Variants in MSH3 observed in about 807,000 individuals in gnomAD.
The protein encoded by MSH3 is mutS homolog 3.
MSH3 carries 106 observed loss-of-function variants against 123.3 expected under a neutral mutation model. The observed-to-expected ratio is 0.86, with a 90% CI of 0.73 to 1.01. The LOEUF (loss-of-function observed/expected upper bound fraction) is 1.01, where lower values mean the gene tolerates loss of function less well. MSH3 is among the 50% of genes least tolerant of loss of function. The probability of loss-of-function intolerance (pLI) is 0.00; values close to 1 mark genes in which losing one functional copy is unlikely to be tolerated. For missense variants in MSH3, 1,459 were observed against 1,347.6 expected (o/e 1.08, Z -1.29); for synonymous variants, 515 against 481.4 (o/e 1.07, Z -0.91).
chr5:80,746,978 C>G (rs1743732849), intron 12 of MSH3, among the ~76,000 whole-genome samples: 1 of 152,134 alleles, frequency 6.6e-6, no homozygotes, highest in Non-Finnish European at 1.5e-5. Flanking sequence ...GATTTCTTTT[C>G]TTAGCCATAA....
intron 18 of MSH3, among the ~76,000 whole-genome samples, chr5:80,791,944 T>A (rs1360747376): frequency 1.3e-5 from 2 of 152,134 alleles, no homozygotes; most frequent in Admixed American, 1.3e-4. Context: ...AAGCTGTAGA[T>A]AAAACAGATA....
intron 21 of MSH3, among the ~76,000 whole-genome samples, chr5:80,861,569 T>C (rs984655604): frequency 6.6e-6 from 1 of 152,192 alleles, no homozygotes; most frequent in Non-Finnish European, 1.5e-5. Flanking sequence ...AATAGTTCTT[T>C]CTTTCTTCCC....
chr5:80,873,176 C>T lies in MSH3; in HGVS notation c.3191C>T (p.Ala1064Val), dbSNP rs1354644574. The stretch of plus-strand genomic sequence containing the variant: ...CTTTACCAAATAACTAGAGGAATTG[C>T]AGCAAGGAGTTATGGATTAAATGTG... ...TFLYQITRGIAARSYGLNVAK... is the reference protein window; with the variant it reads ...TFLYQITRGIVARSYGLNVAK... The change falls in exon 23 of 24, where the codon GCA (alanine) becomes GTA (valine). Residue 1064 changes from alanine to valine, a missense_variant. Transcript: ENST00000265081. 19 of 1,613,528 alleles carry T rather than the reference C, an allele frequency of 1.2e-5. No individual in the cohort carries two copies. The highest frequency in any genetic ancestry group is 1.7e-5 in the Admixed American group (1 of 59,996).
Position 80,664,313 on chromosome 5 carries a change from T to C in MSH3, c.359-830T>C, listed in dbSNP as rs532935605. Among the ~76,000 whole-genome samples, 3 of 152,312 alleles carry C rather than the reference T, an allele frequency of 2.0e-5. No individual in the cohort carries two copies. In the East Asian group the frequency reaches 5.8e-4, roughly 29 times the overall value. On this transcript the variant is annotated intron_variant, in intron 2 of 23. Coordinates refer to ENST00000265081, the MANE Select transcript of MSH3 (RefSeq NM_002439.5). ...GATGGTGTTTCTGAGTATGGTGATT[T>C]GGTTTTCTTGGTAAACCCCTGATGT...
intron 8 of MSH3, among the ~76,000 whole-genome samples, chr5:80,708,925 C>G (rs1750781784): frequency 6.6e-6 from 1 of 151,996 alleles, no homozygotes; most frequent in South Asian, 2.1e-4. Flanking sequence ...CAGGCGCCCA[C>G]TACCATGTCT....
In MSH3 at chr5:80,732,034, T is replaced by C. The variant is rs146426189; in HGVS notation, c.1568+3069T>C. Among the ~76,000 whole-genome samples, 48 of 152,290 alleles carry C rather than the reference T, an allele frequency of 3.2e-4. 1 individual carries two copies. In the East Asian group the frequency reaches 8.5e-3, roughly 27 times the overall value. On this transcript the variant is annotated intron_variant, in intron 10 of 23. Transcript: ENST00000265081. ...TAGAATTTTAGATAGTTTGAGAAAATATACCATTTCAGAAATTATTCTTAA... is the reference window on the plus strand; with the variant it reads ...TAGAATTTTAGATAGTTTGAGAAAACATACCATTTCAGAAATTATTCTTAA...
intron 10 of MSH3, among the ~76,000 whole-genome samples, chr5:80,736,170 G>A (rs1305376891): frequency 1.3e-5 from 2 of 152,118 alleles, no homozygotes; most frequent in African/African-American, 4.8e-5. Flanking sequence ...AGGTTGCAGT[G>A]AGCCGAGATC....
chr5:80,778,807 C>T lies in MSH3; in HGVS notation c.2406C>T (p.Asp802=), dbSNP rs2112007938. 1.2e-6 allele frequency: 2 copies of T among 1,600,206 alleles called. No homozygotes were observed. The highest frequency in any genetic ancestry group is 1.7e-6 in the Non-Finnish European group (2 of 1,167,414). Residue 802 remains aspartate, a synonymous_variant, in exon 17 of 24, where the codon GAC becomes GAT. Coordinates refer to ENST00000265081, the MANE Select transcript of MSH3 (RefSeq NM_002439.5). ...AGCTCCGGGAGCAGCTAGTCCTTGA[C>T]TGCAGTGCTGAATGGCTTGATTTTC... The part of the protein sequence containing the change: ...LNQLREQLVL[D]CSAEWLDFLE...
Position 80,654,966 on chromosome 5 carries a change from T to C in MSH3, c.237+2T>C, listed in dbSNP as rs1480047980. On this transcript the variant is annotated splice_donor_variant, in intron 1 of 23. Coordinates refer to ENST00000265081, the MANE Select transcript of MSH3 (RefSeq NM_002439.5). LOFTEE classifies it high-confidence loss of function. ...CCGCCCCAGCTGCCGCCGCACATAG[T>C]AGGTTCTGTCTGGGACTGGGCAGGG... The C allele has an allele frequency of 6.8e-7, 1 of 1,465,046 alleles. No individual in the cohort carries two copies. Among genetic ancestry groups the C allele is most frequent in the African/African-American group, 1.5e-5 (1 of 65,108 alleles). The allele number at this position is 1,465,046 out of a possible 1,614,324, so 90.8% of individuals were successfully genotyped here.
chr5:80,716,693 G>T (rs1312051175), intron 8 of MSH3, among the ~76,000 whole-genome samples: 2 of 152,024 alleles, frequency 1.3e-5, no homozygotes, highest in African/African-American at 4.8e-5. Context: ...AGGTGTTTAG[G>T]ATACCTGTCA....
intron 19 of MSH3, among the ~76,000 whole-genome samples, chr5:80,801,951 C>A (rs1744796975): frequency 1.3e-5 from 2 of 152,078 alleles, no homozygotes; most frequent in South Asian, 4.1e-4. Flanking sequence ...TCTTGCTTAT[C>A]AAGGCTCTCA....
intron 2 of MSH3, among the ~76,000 whole-genome samples, chr5:80,664,404 T>A (rs1272549430): frequency 6.6e-6 from 1 of 152,132 alleles, no homozygotes; most frequent in African/African-American, 2.4e-5. Flanking sequence ...AGCTTCTGCC[T>A]GGAGGGGAGT....
intron 20 of MSH3, among the ~76,000 whole-genome samples, chr5:80,815,273 G>A (rs1336801502): frequency 2.0e-5 from 3 of 151,324 alleles, no homozygotes; most frequent in Non-Finnish European, 4.4e-5. Context: ...TCTTTCTTTA[G>A]TTCTTAAGAC....
chr5:80,845,977 A>C (rs1263721265), intron 20 of MSH3, among the ~76,000 whole-genome samples: 2 of 152,110 alleles, frequency 1.3e-5, no homozygotes, highest in Non-Finnish European at 2.9e-5. Flanking sequence ...TTGGAGGAGA[A>C]GAGGCGCTCT....
chr5:80,747,871 T>C (rs1743750321), intron 12 of MSH3, among the ~76,000 whole-genome samples: 1 of 152,210 alleles, frequency 6.6e-6, no homozygotes, highest in Non-Finnish European at 1.5e-5. Flanking sequence ...TCTAATTTTA[T>C]GTAACTATAT....
chr5:80,814,279 A>C (rs1202291121), intron 20 of MSH3, among the ~76,000 whole-genome samples: 1 of 151,834 alleles, frequency 6.6e-6, no homozygotes, highest in East Asian at 1.9e-4. Flanking sequence ...ATTTATTATT[A>C]TTATTATTTG....
chr5:80,801,395 T>C (rs1744787984), intron 19 of MSH3, among the ~76,000 whole-genome samples: 1 of 152,124 alleles, frequency 6.6e-6, no homozygotes, highest in East Asian at 1.9e-4. Context: ...TGCTGGTGTT[T>C]ACTAGAGTGC....
chr5:80,805,578 GC>G (rs35730651), intron 19 of MSH3, among the ~76,000 whole-genome samples: 28,985 of 70,784 alleles, frequency 0.41, 4,079 homozygotes, highest in East Asian at 0.52. Context: ...TCAATATGAT[GC>G]CCCCCCCCCC....
intron 3 of MSH3, among the ~76,000 whole-genome samples, chr5:80,669,485 A>T (rs1390466714): frequency 6.6e-6 from 1 of 152,204 alleles, no homozygotes; most frequent in Non-Finnish European, 1.5e-5. Context: ...ATGGTTCCTC[A>T]CAGAAAGGTA....
Sources: gnomAD v4.1 joint callset for allele counts (sites outside exome capture counted in the v4.1 genomes callset) on GRCh38, gnomAD v4.1.1 for gene constraint, MANE v1.5 for transcripts, NCBI Gene and HGNC (gene_info 2026-07-23, HGNC 2026-07-21) for gene names.